The following EDIL3 variants were observed in gnomAD, a reference collection of about 807,000 sequenced individuals.
The protein encoded by EDIL3 is EGF-like repeat and discoidin I-like domain-containing protein 3.
Under a neutral mutation model 67.4 loss-of-function variants are expected in EDIL3, and 37 were observed. The ratio of observed to expected loss-of-function variants is 0.55; its 90% CI spans 0.42 to 0.72. EDIL3 has a LOEUF of 0.72. Ranked by LOEUF, EDIL3 falls within the 30% of genes least tolerant of loss-of-function variation. EDIL3 has a pLI of 0.00. For synonymous variants in EDIL3, 195 were observed against 196.3 expected (o/e 0.99, Z 0.05); for missense variants, 527 against 586.3 (o/e 0.90, Z 1.04).
At chr5:84,296,894 C>A (rs1056326331) in intron 1 of EDIL3, among the ~76,000 whole-genome samples, 8 of 152,128 alleles carry the variant, frequency 5.3e-5, no homozygotes, top group African/African-American at 9.6e-5. Flanking sequence ...AGAAAAAAAA[C>A]CAAACAGGTC....
intron 7 of EDIL3, among the ~76,000 whole-genome samples, chr5:84,066,211 G>A (rs1483365550): frequency 6.6e-6 from 1 of 151,590 alleles, no homozygotes; most frequent in Non-Finnish European, 1.5e-5. Context: ...GTGTCCACCT[G>A]TGTCAAAGTA....
At chr5:84,073,878 C>T (rs965555862) in intron 6 of EDIL3, among the ~76,000 whole-genome samples, 2 of 151,946 alleles carry the variant, frequency 1.3e-5, no homozygotes, top group African/African-American at 4.8e-5. Context: ...AAAAAAGAGC[C>T]TGCATTGCCA....
At chr5:84,044,174 T>C (rs954704411) in intron 9 of EDIL3, among the ~76,000 whole-genome samples, 1 of 152,128 alleles carries the variant, frequency 6.6e-6, no homozygotes, top group Non-Finnish European at 1.5e-5. Flanking sequence ...TTCCTGTTCC[T>C]GTGTTAGTTT....
At chr5:84,079,103 C>G (rs1310783572) in intron 6 of EDIL3, among the ~76,000 whole-genome samples, 1 of 152,268 alleles carries the variant, frequency 6.6e-6, no homozygotes, top group Non-Finnish European at 1.5e-5. Context: ...TTTCAGACAG[C>G]TTTCGGGTTG....
At chr5:84,031,654 C>T (rs1441457350) in intron 9 of EDIL3, among the ~76,000 whole-genome samples, 2 of 152,112 alleles carry the variant, frequency 1.3e-5, no homozygotes, top group Non-Finnish European at 2.9e-5. Context: ...CTAGGAACCA[C>T]GAAGAGTGTC....
At position 84,140,945 on chromosome 5, in the gene EDIL3, C is replaced by A. The variant is rs970699809; in HGVS notation, c.356-3591G>T. Among the ~76,000 whole-genome samples the A allele has an allele frequency of 3.3e-5, 5 of 152,032 alleles. No homozygotes were observed. The East Asian group carries it at 5.8e-4, about 18-fold the overall frequency. ...GCTATTTGCACTGTAATTAACACTG[C>A]AAGCAATCTAAATGGAAACTGACCT... is the stretch of plus-strand genomic sequence containing the variant. On this transcript the variant is annotated intron_variant, in intron 4 of 10. Transcript: ENST00000296591.
intron 5 of EDIL3, among the ~76,000 whole-genome samples, chr5:84,107,876 A>T (rs879391877): frequency 2.0e-5 from 3 of 150,920 alleles, no homozygotes; most frequent in Non-Finnish European, 4.4e-5. Context: ...TAAGGAAAAG[A>T]TGTTCTTAAT....
intron 9 of EDIL3, among the ~76,000 whole-genome samples, chr5:83,971,276 T>C (rs1035718326): frequency 6.6e-6 from 1 of 151,252 alleles, no homozygotes; most frequent in Admixed American, 6.6e-5. Flanking sequence ...ATATCCTTTT[T>C]TCTTTTTTTT....
chr5:84,147,636 C>T (rs751482885), intron 4 of EDIL3, among the ~76,000 whole-genome samples: 39 of 151,804 alleles, frequency 2.6e-4, no homozygotes, highest in African/African-American at 6.5e-4. Flanking sequence ...TTTTAAGATA[C>T]GTTTTTACCA....
intron 6 of EDIL3, among the ~76,000 whole-genome samples, chr5:84,104,405 A>G (rs1424559105): frequency 6.6e-6 from 1 of 151,948 alleles, no homozygotes; most frequent in African/African-American, 2.4e-5. Context: ...AAAAAAAAAG[A>G]AAATTGGTAA....
At chr5:83,955,561 T>A (rs1187947177) in intron 10 of EDIL3, among the ~76,000 whole-genome samples, 1 of 151,724 alleles carries the variant, frequency 6.6e-6, no homozygotes, top group Non-Finnish European at 1.5e-5. Flanking sequence ...CTCCTTATTA[T>A]CATATTATCC....
At chr5:84,181,105 G>C (rs945658230) in intron 3 of EDIL3, 1 of 152,106 alleles carries the variant, frequency 6.6e-6, no homozygotes, top group African/African-American at 2.4e-5. Flanking sequence ...ATACCTCTGG[G>C]GAAGCACATT....
At chr5:84,378,453 A>G (rs554231908) in intron 1 of EDIL3, among the ~76,000 whole-genome samples, 2 of 152,220 alleles carry the variant, frequency 1.3e-5, no homozygotes, top group Middle Eastern at 3.4e-3. Flanking sequence ...ATACTATTCG[A>G]GTCTCCTCTT....
chr5:84,151,444 G>A (rs1287435870), intron 4 of EDIL3, among the ~76,000 whole-genome samples: 1 of 152,132 alleles, frequency 6.6e-6, no homozygotes, highest in Non-Finnish European at 1.5e-5. Flanking sequence ...GGTCTTATGG[G>A]AGAGACTGAG....
At chr5:84,121,560 T>C (rs1268909347) in intron 5 of EDIL3, among the ~76,000 whole-genome samples, 2 of 151,340 alleles carry the variant, frequency 1.3e-5, no homozygotes, top group African/African-American at 4.8e-5. Flanking sequence ...TATCTATCTA[T>C]CTATCTATCT....
chr5:84,215,402 C>A (rs1296276343), intron 3 of EDIL3, among the ~76,000 whole-genome samples: 1 of 151,528 alleles, frequency 6.6e-6, no homozygotes, highest in African/African-American at 2.4e-5. Context: ...TACAGGCGCC[C>A]GCCACCACAC....
chr5:84,100,587 G>A (rs1747345853), intron 6 of EDIL3, among the ~76,000 whole-genome samples: 1 of 152,178 alleles, frequency 6.6e-6, no homozygotes, highest in East Asian at 1.9e-4. Flanking sequence ...GGGGCAGCTA[G>A]GGGAGGGATC....
chr5:84,163,694 A>C (rs564489516), intron 4 of EDIL3, among the ~76,000 whole-genome samples: 2 of 152,130 alleles, frequency 1.3e-5, no homozygotes. Context: ...TAACATGGAC[A>C]TTGTGACATC....
At chr5:84,117,900 CAG>C (rs1171177924) in intron 5 of EDIL3, among the ~76,000 whole-genome samples, 2 of 151,910 alleles carry the variant, frequency 1.3e-5, no homozygotes, top group Admixed American at 6.6e-5. Flanking sequence ...ATAAAAATAA[CAG>C]AATTAATTTC....
Sources: gnomAD v4.1 joint callset for allele counts (sites outside exome capture counted in the v4.1 genomes callset) on GRCh38, gnomAD v4.1.1 for gene constraint, MANE v1.5 for transcripts, NCBI Gene and HGNC (gene_info 2026-07-23, HGNC 2026-07-21) for gene names.